The following TBCEL variants were observed in gnomAD, a reference collection of about 807,000 sequenced individuals.
The protein encoded by TBCEL is tubulin-specific chaperone cofactor E-like protein.
TBCEL carries 15 observed loss-of-function variants against 44.2 expected under a neutral mutation model. The ratio of observed to expected loss-of-function variants is 0.34; its 90% CI spans 0.23 to 0.52. The LOEUF is 0.52. Among genes scored for constraint, TBCEL ranks in the 20% least tolerant of loss-of-function variants. TBCEL has a pLI of 0.95. For missense variants in TBCEL, 319 were observed against 506.3 expected, an observed-to-expected ratio of 0.63 and a Z score of 3.55; for synonymous variants, 171 against 185.4, an observed-to-expected ratio of 0.92 and a Z score of 0.63.
At chr11:121,074,803 G>A (rs1360581423) in intron 8 of TBCEL, among the ~76,000 whole-genome samples, 2 of 151,894 alleles carry the variant, frequency 1.3e-5, no homozygotes, top group Admixed American at 6.6e-5. Flanking sequence ...TTTCCAGAAT[G>A]TCGGATAAAT....
At chr11:121,058,033 G>C (rs1187572757) in intron 6 of TBCEL, among the ~76,000 whole-genome samples, 1 of 151,756 alleles carries the variant, frequency 6.6e-6, no homozygotes, top group Non-Finnish European at 1.5e-5. Context: ...CATACATCCT[G>C]CTTATTGATG....
Position 121,059,975 on chromosome 11 carries a change from A to T in TBCEL, c.846A>T (p.Pro282=). 1.2e-6 allele frequency: 2 copies of T among 1,608,902 alleles called. No homozygotes were observed. Among genetic ancestry groups the T allele is most frequent in the Non-Finnish European group, 1.7e-6 (2 of 1,176,826 alleles). The change falls in exon 8 of 9, where the codon CCA becomes CCT. Residue 282 remains proline, a synonymous_variant. Transcript: ENST00000683345. The part of the protein sequence containing the change: ...ERRKLVIARL[P]SVSKLNGSVV... ...TTTTGGTTTTAACTTATAGATTGCC[A>T]TCAGTTTCCAAACTTAATGGCAGCG...
chr11:121,050,901 T>C (rs1187963558), intron 4 of TBCEL, among the ~76,000 whole-genome samples: 3 of 151,644 alleles, frequency 2.0e-5, no homozygotes, highest in African/African-American at 7.2e-5. Context: ...GTCTTTTTTA[T>C]TTTTAGAATT....
intron 1 of TBCEL, among the ~76,000 whole-genome samples, chr11:121,033,072 A>G (rs752189536): frequency 2.6e-5 from 4 of 152,208 alleles, no homozygotes; most frequent in Admixed American, 6.5e-5. Flanking sequence ...TTTTAAGAGA[A>G]TAATGCTATG....
Position 121,045,662 on chromosome 11 carries a change from G to C in TBCEL, c.-17-12G>C. Reference sequence around the variant, plus strand: ...TAATTACATAATTTGATTATTTCTTGGTTTCTTGTAGCATTTTAAGAAAGA... The same window carrying C: ...TAATTACATAATTTGATTATTTCTTCGTTTCTTGTAGCATTTTAAGAAAGA... On this transcript the variant is annotated splice_polypyrimidine_tract_variant and intron_variant, in intron 2 of 8. Coordinates refer to ENST00000683345, the MANE Select transcript of TBCEL (RefSeq NM_001363644.2). 6.5e-7 allele frequency: 1 copy of C among 1,544,722 alleles called. No homozygotes were observed. The highest frequency in any genetic ancestry group is 8.7e-7 in the Non-Finnish European group (1 of 1,147,686).
chr11:121,055,120 C>G lies in TBCEL; in HGVS notation c.524C>G (p.Ser175Cys). 6.2e-7 allele frequency: 1 copy of G among 1,607,018 alleles called. No individual in the cohort carries two copies. The highest frequency in any genetic ancestry group is 8.5e-7 in the Non-Finnish European group (1 of 1,176,074). ...TCTTGTCCTTCTATTTGCTGTCATT[C>G]TCTTAAGCTACTACATATAACAGAC... The part of the protein sequence containing the change: ...TVSCPSICCH[S>C]LKLLHITDNN... Residue 175 changes from serine (S) to cysteine (C), a missense_variant, in exon 6 of 9, where the codon TCT becomes TGT. Coordinates refer to ENST00000683345, the MANE Select transcript of TBCEL (RefSeq NM_001363644.2).
chr11:121,037,247 C>A (rs905091860), intron 2 of TBCEL, among the ~76,000 whole-genome samples: 1 of 152,210 alleles, frequency 6.6e-6, no homozygotes, highest in Non-Finnish European at 1.5e-5. Flanking sequence ...GATTTATCAG[C>A]TACACTTATT....
intron 4 of TBCEL, among the ~76,000 whole-genome samples, chr11:121,051,824 C>A (rs1357544769): frequency 6.6e-6 from 1 of 151,752 alleles, no homozygotes; most frequent in Non-Finnish European, 1.5e-5. Context: ...TGCAGGGAAC[C>A]TTTTCTTCTC....
At chr11:121,054,488 C>G (rs1340242569) in intron 5 of TBCEL, among the ~76,000 whole-genome samples, 2 of 151,896 alleles carry the variant, frequency 1.3e-5, no homozygotes, top group African/African-American at 4.8e-5. Context: ...AGCTACTTAA[C>G]TTCTTTGAGC....
chr11:121,055,846 A>T (rs559955660), intron 6 of TBCEL, among the ~76,000 whole-genome samples: 1 of 151,574 alleles, frequency 6.6e-6, no homozygotes, highest in South Asian at 2.1e-4. Flanking sequence ...GAGTACAGAG[A>T]GTTTTCATAT....
At chr11:121,039,311 A>G (rs1042514947) in intron 2 of TBCEL, among the ~76,000 whole-genome samples, 2 of 152,186 alleles carry the variant, frequency 1.3e-5, no homozygotes, top group African/African-American at 4.8e-5. Context: ...CTCAGGATTC[A>G]CCTACTTCCT....
intron 2 of TBCEL, among the ~76,000 whole-genome samples, chr11:121,040,993 T>C (rs1459599338): frequency 6.6e-6 from 1 of 152,246 alleles, no homozygotes; most frequent in Non-Finnish European, 1.5e-5. Context: ...AATGTATGTT[T>C]TAGCACTCTG....
chr11:121,058,520 T>C (rs1218262478), intron 7 of TBCEL, 49 bp downstream of exon 7: 6 of 1,601,844 alleles, frequency 3.7e-6, no homozygotes, highest in South Asian at 3.3e-5. Context: ...CCTTATTGTT[T>C]CATTAAAGGA....
chr11:121,073,688 A>C (rs1591414519), intron 8 of TBCEL, among the ~76,000 whole-genome samples: 1 of 151,942 alleles, frequency 6.6e-6, no homozygotes, highest in Non-Finnish European at 1.5e-5. Context: ...CTAAAGTTTC[A>C]ATATGTAGAT....
chr11:121,080,652 A>G (rs1946108710), intron 8 of TBCEL, among the ~76,000 whole-genome samples: 1 of 152,194 alleles, frequency 6.6e-6, no homozygotes, highest in African/African-American at 2.4e-5. Flanking sequence ...GAAAAAATTA[A>G]TGTTTGTTTT....
rs1382169593 is a variant in TBCEL, at chr11:121,089,458, T to C, written c.*2362T>C. The C allele has an allele frequency of 1.3e-5, 2 of 152,188 alleles. No individual in the cohort carries two copies. The highest frequency in any genetic ancestry group is 2.9e-5 in the Non-Finnish European group (2 of 68,026). 9.4% of individuals were successfully genotyped at this position (152,188 alleles called of 1,614,324 possible). ...GATGGTTTTAATAATTGCTGAATAATTTTTGATTAAGAGAAAAATGTAATA... is the reference window on the plus strand; with the variant it reads ...GATGGTTTTAATAATTGCTGAATAACTTTTGATTAAGAGAAAAATGTAATA... On this transcript the variant is annotated 3_prime_UTR_variant, in exon 9 of 9. Coordinates refer to ENST00000683345, the MANE Select transcript of TBCEL (RefSeq NM_001363644.2).
intron 1 of TBCEL, among the ~76,000 whole-genome samples, chr11:121,027,467 G>A (rs557488706): frequency 6.6e-6 from 1 of 152,230 alleles, no homozygotes; most frequent in African/African-American, 2.4e-5. Context: ...TTCCAGTACA[G>A]GCACTGAATA....
At chr11:121,050,962 G>A (rs909893649) in intron 4 of TBCEL, among the ~76,000 whole-genome samples, 3 of 151,476 alleles carry the variant, frequency 2.0e-5, no homozygotes, top group East Asian at 1.9e-4. Context: ...AATGTTTGTC[G>A]GCTTTTGGTA....
chr11:121,078,833 A>G (rs1394662006), intron 8 of TBCEL, among the ~76,000 whole-genome samples: 1 of 152,084 alleles, frequency 6.6e-6, no homozygotes, highest in Admixed American at 6.5e-5. Context: ...GTCCATGGAG[A>G]TGCTTATCAT....
Sources: allele counts gnomAD v4.1 joint callset (sites outside exome capture counted in the v4.1 genomes callset), GRCh38; gene constraint gnomAD v4.1.1; transcripts MANE v1.5; gene names NCBI Gene and HGNC (gene_info 2026-07-23, HGNC 2026-07-21).